ZNF704: variants seen among roughly 807,000 people sequenced by gnomAD.
ZNF704 encodes the protein zinc finger protein 704.
A neutral mutation model predicts 44.7 loss-of-function variants in ZNF704; 10 were observed. That is an observed-to-expected ratio of 0.22 (90% CI 0.14 to 0.38). The LOEUF (loss-of-function observed/expected upper bound fraction) is 0.38. Among genes scored for constraint, ZNF704 ranks in the 10% least tolerant of loss-of-function variants. The pLI is 1.00. For missense variants in ZNF704, 390 were observed against 545.5 expected, an observed-to-expected ratio of 0.71 and a Z score of 2.84; for synonymous variants, 211 against 207.6, an observed-to-expected ratio of 1.02 and a Z score of -0.14.
intron 2 of ZNF704, among the ~76,000 whole-genome samples, chr8:80,781,581 C>T (rs1320258555): frequency 6.6e-6 from 1 of 152,190 alleles, no homozygotes; most frequent in East Asian, 1.9e-4. Flanking sequence ...CTTTGCGAAT[C>T]GCTGCTTTAA....
intron 2 of ZNF704, chr8:80,777,028 C>A (rs1053343649): frequency 4.6e-5 from 7 of 152,046 alleles, no homozygotes; most frequent in African/African-American, 1.7e-4. Flanking sequence ...TGTAATTCTG[C>A]ATTTTTTCTT....
rs1362032566 is a variant in ZNF704 at position 80,640,754 on chromosome 8, T to C, written c.*612A>G. On this transcript the variant is annotated 3_prime_UTR_variant, in exon 9 of 9. Transcript: ENST00000327835. Reference sequence around the variant, plus strand: ...TGCCATCTGGGGCCCTACAAACTAATAGCTCTACCATGGTTCAGTGTGGGG... The same window carrying C: ...TGCCATCTGGGGCCCTACAAACTAACAGCTCTACCATGGTTCAGTGTGGGG... The C allele has an allele frequency of 1.3e-5, 2 of 152,222 alleles. No homozygotes were observed. Among genetic ancestry groups the C allele is most frequent in the East Asian group, 3.9e-4 (2 of 5,180 alleles). 9.4% of individuals were successfully genotyped at this position (152,222 alleles called of 1,614,324 possible).
chr8:80,875,704 C>T (rs1315938622), upstream of ZNF704, among the ~76,000 whole-genome samples: 1 of 152,196 alleles, frequency 6.6e-6, no homozygotes, highest in African/African-American at 2.4e-5. Context: ...TAGGCACCTC[C>T]GTGGGGCCAG....
At chr8:80,777,043 T>C (rs994280218) in intron 2 of ZNF704, 1 of 152,132 alleles carries the variant, frequency 6.6e-6, no homozygotes. Context: ...TTTCTTTTTA[T>C]ATTTATTTAT....
chr8:80,810,542 A>G (rs563032636), intron 2 of ZNF704, among the ~76,000 whole-genome samples: 43 of 152,290 alleles, frequency 2.8e-4, no homozygotes, highest in African/African-American at 1.0e-3. Context: ...AGCCTACAGT[A>G]TGTTTACTTG....
intron 2 of ZNF704, among the ~76,000 whole-genome samples, chr8:80,726,820 TACACACACACATGC>T (rs1470530295): frequency 1.4e-5 from 2 of 146,284 alleles, no homozygotes; most frequent in South Asian, 2.2e-4. Context: ...ATGTTAAAAA[TACACACACACATGC>T]ACACACACAC....
At chr8:80,792,849 G>C (rs551269843) in intron 2 of ZNF704, among the ~76,000 whole-genome samples, 2 of 152,320 alleles carry the variant, frequency 1.3e-5, no homozygotes, top group East Asian at 3.9e-4. Context: ...TGAGCCTTCA[G>C]ATAGCCCTGG....
intron 2 of ZNF704, among the ~76,000 whole-genome samples, chr8:80,763,242 C>T (rs1429308271): frequency 6.6e-6 from 1 of 152,210 alleles, no homozygotes; most frequent in Non-Finnish European, 1.5e-5. Flanking sequence ...GGGGCTCCAA[C>T]CCCACATTTC....
intron 7 of ZNF704, among the ~76,000 whole-genome samples, chr8:80,656,121 C>T (rs1265722775): frequency 6.6e-6 from 1 of 152,162 alleles, no homozygotes; most frequent in African/African-American, 2.4e-5. Flanking sequence ...CTGGTGCATT[C>T]CTCCATGCTT....
chr8:80,806,278 A>T (rs566148083), intron 2 of ZNF704, among the ~76,000 whole-genome samples: 1 of 152,312 alleles, frequency 6.6e-6, no homozygotes, highest in East Asian at 1.9e-4. Context: ...AGGGGGATGG[A>T]GCAGATGATG....
intron 3 of ZNF704, 33 bp from the exon 4 acceptor site, chr8:80,687,491 C>A: frequency 6.9e-7 from 1 of 1,445,718 alleles, no homozygotes; most frequent in East Asian, 2.5e-5. Context: ...AGTGCCAGGA[C>A]CCCTGCGTGC....
chr8:80,693,051 C>T lies in ZNF704; in HGVS notation c.278G>A (p.Ser93Asn). ...TCGAACCAAAGGGCTAGTCGACAAG[C>T]TGGTTAGTACCATTGCTGCTGTCAC... ...DKVTAAMVLT[S>N]LSTSPLVRSP... is the part of the protein sequence containing the mutation. The change falls in exon 3 of 9, where the codon AGC (serine) becomes AAC (asparagine). Residue 93 changes from serine (S) to asparagine (N), a missense_variant. Ser to Asn is a conservative substitution (Grantham distance 46). Coordinates refer to ENST00000327835, the MANE Select transcript of ZNF704 (RefSeq NM_001033723.3). 1.2e-6 allele frequency: 2 copies of T among 1,614,210 alleles called. No homozygotes were observed. The highest frequency in any genetic ancestry group is 1.7e-6 in the Non-Finnish European group (2 of 1,180,038).
At chr8:80,844,517 C>T (rs1035177457) in intron 1 of ZNF704, among the ~76,000 whole-genome samples, 47 of 152,108 alleles carry the variant, frequency 3.1e-4, no homozygotes, top group Admixed American at 3.1e-3. Context: ...TAGGTTTCAA[C>T]ATATGAATTC....
intron 2 of ZNF704, among the ~76,000 whole-genome samples, chr8:80,818,426 A>G (rs1437007166): frequency 6.6e-6 from 1 of 152,154 alleles, no homozygotes; most frequent in African/African-American, 2.4e-5. Flanking sequence ...TATAGACACA[A>G]AATCAGCAGA....
chr8:80,813,909 T>C (rs1808132877), intron 2 of ZNF704, among the ~76,000 whole-genome samples: 1 of 151,966 alleles, frequency 6.6e-6, no homozygotes, highest in Admixed American at 6.6e-5. Context: ...AAAATTGAGA[T>C]AACATCAATG....
At chr8:80,731,927 T>C (rs991886444) in intron 2 of ZNF704, among the ~76,000 whole-genome samples, 6 of 152,238 alleles carry the variant, frequency 3.9e-5, no homozygotes, top group Non-Finnish European at 8.8e-5. Context: ...GTGCTAACAT[T>C]GCATATCACA....
chr8:80,883,245 CA>C, the ZNF704 span, among the ~76,000 whole-genome samples: 33,396 of 83,404 alleles, frequency 0.4, 3,149 homozygotes, highest in Admixed American at 0.5. Context: ...GACACCCTCT[CA>C]AAAAAAAAAA....
chr8:80,809,886 C>T (rs1027576714), intron 2 of ZNF704, among the ~76,000 whole-genome samples: 12 of 152,062 alleles, frequency 7.9e-5, no homozygotes, highest in African/African-American at 2.9e-4. Flanking sequence ...CTCCTGAATT[C>T]TTATTTTTTT....
chr8:80,757,566 GTGTT>G (rs1385277480), intron 2 of ZNF704, among the ~76,000 whole-genome samples: 1 of 152,054 alleles, frequency 6.6e-6, no homozygotes, highest in Non-Finnish European at 1.5e-5. Context: ...TAAGTGTACA[GTGTT>G]TATAGAGTCT....
Sources: gnomAD v4.1 joint callset for allele counts (sites outside exome capture counted in the v4.1 genomes callset) on GRCh38, gnomAD v4.1.1 for gene constraint, MANE v1.5 for transcripts, NCBI Gene and HGNC (gene_info 2026-07-23, HGNC 2026-07-21) for gene names.